IL20RB: variants seen among roughly 807,000 people sequenced by gnomAD.
IL20RB encodes interleukin 20 receptor subunit beta.
In IL20RB, 21 loss-of-function variants were observed where a neutral mutation model predicts 33.3. The observed-to-expected ratio is 0.63, with a 90% CI of 0.45 to 0.91. IL20RB has a LOEUF of 0.91. IL20RB is among the 40% of genes least tolerant of loss of function. The probability of loss-of-function intolerance (pLI) is 0.00; values close to 1 mark genes in which losing one functional copy is unlikely to be tolerated. For missense variants in IL20RB, 345 were observed against 384.8 expected, an observed-to-expected ratio of 0.90 and a Z score of 0.86; for synonymous variants, 147 against 146.8, an observed-to-expected ratio of 1.00 and a Z score of -0.01.
chr3:136,987,821 G>A lies in IL20RB; in HGVS notation c.407-1620G>A, dbSNP rs1034803662. Among the ~76,000 whole-genome samples, 8 of 152,196 alleles carry A rather than the reference G, an allele frequency of 5.3e-5. No individual in the cohort carries two copies. The East Asian group carries it at 7.7e-4, about 15-fold the overall frequency. ...AGGACCCAGTACACCCTCCGCAGCC[G>A]CTGGCCCGGGTGCTAAGCCCCTCAT... On this transcript the variant is annotated intron_variant, in intron 3 of 6. Coordinates refer to ENST00000329582, the MANE Select transcript of IL20RB (RefSeq NM_144717.4).
chr3:137,000,828 A>T (rs746991126), intron 6 of IL20RB, among the ~76,000 whole-genome samples: 26 of 152,180 alleles, frequency 1.7e-4, no homozygotes, highest in Non-Finnish European at 3.8e-4. Context: ...TCTGCTGCCC[A>T]TGCTTACTCT....
chr3:136,982,727 T>C (rs1385971331), intron 3 of IL20RB, among the ~76,000 whole-genome samples: 2 of 152,156 alleles, frequency 1.3e-5, no homozygotes, highest in Non-Finnish European at 2.9e-5. Context: ...ATTAACTGCA[T>C]ATTTACTGCC....
chr3:136,990,628 T>A (rs946609536), intron 4 of IL20RB, among the ~76,000 whole-genome samples: 2 of 152,232 alleles, frequency 1.3e-5, no homozygotes, highest in African/African-American at 4.8e-5. Context: ...TTGGTCTTGC[T>A]CGTCTTATCA....
At position 136,995,565 on chromosome 3, in the gene IL20RB, G is replaced by A. The variant is rs1021053490; in HGVS notation, c.825+9G>A. 2.5e-6 allele frequency: 4 copies of A among 1,614,074 alleles called. No homozygotes were observed. The Admixed American group carries it at 5.0e-5, about 20-fold the overall frequency. On this transcript the variant is annotated intron_variant, in intron 6 of 6. Transcript: ENST00000329582. ...TCCTCCCAGACACCTTGGTAATAGA[G>A]TAGTTCTTTATTCCTTTCAGTATAA...
intron 1 of IL20RB, among the ~76,000 whole-genome samples, chr3:136,973,348 G>C (rs536179563): frequency 2.6e-4 from 40 of 151,600 alleles, no homozygotes; most frequent in African/African-American, 9.5e-4. Context: ...AAAATTATCC[G>C]GGCATGGTGG....
intron 6 of IL20RB, among the ~76,000 whole-genome samples, chr3:136,997,932 G>C (rs1049910501): frequency 6.6e-6 from 1 of 151,572 alleles, no homozygotes; most frequent in South Asian, 2.1e-4. Context: ...CCCCACACCC[G>C]GCTAATTTTT....
At chr3:136,980,934 C>T (rs1327036795) in intron 2 of IL20RB, among the ~76,000 whole-genome samples, 2 of 152,166 alleles carry the variant, frequency 1.3e-5, no homozygotes, top group Non-Finnish European at 2.9e-5. Context: ...CCTCACTTTT[C>T]CTGACTATAA....
chr3:137,003,624 G>A lies in IL20RB; in HGVS notation c.826-6489G>A, dbSNP rs1042458114. ...GTTTTGCACATCGATTTTGTATCCT[G>A]AGGCTTTGCTGAAGTTGCTTATAAG... On this transcript the variant is annotated intron_variant, in intron 6 of 6. Transcript: ENST00000329582. Among the ~76,000 whole-genome samples, 9 of 152,296 alleles carry A rather than the reference G, an allele frequency of 5.9e-5. No homozygotes were observed. In the East Asian group the frequency reaches 1.7e-3, roughly 29 times the overall value.
At chr3:136,974,628 C>T (rs772386352) in intron 1 of IL20RB, among the ~76,000 whole-genome samples, 6 of 152,132 alleles carry the variant, frequency 3.9e-5, no homozygotes, top group Admixed American at 6.5e-5. Context: ...TCTCTCTGGA[C>T]ATCATGAGCC....
At chr3:136,999,071 A>C (rs929810380) in intron 6 of IL20RB, among the ~76,000 whole-genome samples, 5 of 152,064 alleles carry the variant, frequency 3.3e-5, no homozygotes, top group African/African-American at 4.8e-5. Context: ...TTTAAGCTAC[A>C]ATTTGGAAAA....
At chr3:136,985,753 G>A (rs1336765838) in intron 3 of IL20RB, among the ~76,000 whole-genome samples, 1 of 152,146 alleles carries the variant, frequency 6.6e-6, no homozygotes, top group Non-Finnish European at 1.5e-5. Flanking sequence ...TCCCCAGAGA[G>A]TCTGGTTTAA....
intron 6 of IL20RB, among the ~76,000 whole-genome samples, chr3:136,999,404 T>G (rs1011440036): frequency 6.6e-6 from 1 of 152,124 alleles, no homozygotes; most frequent in Non-Finnish European, 1.5e-5. Flanking sequence ...CCACAGCTAA[T>G]TATTTTATTT....
At chr3:136,962,062 G>C (rs762022002) in intron 1 of IL20RB, among the ~76,000 whole-genome samples, 3 of 152,104 alleles carry the variant, frequency 2.0e-5, no homozygotes, top group Admixed American at 1.3e-4. Flanking sequence ...TAAATAAATG[G>C]TGGAGAAGGA....
chr3:136,995,644 T>C, intron 6 of IL20RB, 88 bp downstream of exon 6: 2 of 1,298,176 alleles, frequency 1.5e-6, no homozygotes, highest in Admixed American at 1.8e-5. Flanking sequence ...TGTTTCCATG[T>C]TTCTATCATG....
intron 6 of IL20RB, among the ~76,000 whole-genome samples, chr3:137,000,221 T>C (rs1942214308): frequency 6.6e-6 from 1 of 152,250 alleles, no homozygotes; most frequent in Admixed American, 6.5e-5. Flanking sequence ...AGGCAGTTGA[T>C]ATCTATTAGA....
At chr3:136,978,279 C>T (rs1941678412) in intron 1 of IL20RB, among the ~76,000 whole-genome samples, 1 of 151,646 alleles carries the variant, frequency 6.6e-6, no homozygotes, top group African/African-American at 2.4e-5. Context: ...AAGTCTCCTG[C>T]CTCAGCCTCC....
intron 1 of IL20RB, among the ~76,000 whole-genome samples, chr3:136,975,432 G>A (rs540310871): frequency 2.6e-5 from 4 of 152,106 alleles, no homozygotes; most frequent in East Asian, 3.9e-4. Flanking sequence ...TCTGCCTTCC[G>A]GGTTCAAGCA....
Position 136,958,130 on chromosome 3 carries a change from T to C in IL20RB, c.17T>C (p.Met6Thr). The change falls in exon 1 of 7, where the codon ATG (methionine) becomes ACG (threonine). Residue 6 changes from methionine (M) to threonine (T), a missense_variant. Transcript: ENST00000329582. ...GTCTACCAAATGCAGACTTTCACAA[T>C]GGTTCTAGAAGAAATCTGGACAAGT... MQTFT[M>T]VLEEIWTSLF... 1.2e-6 allele frequency: 2 copies of C among 1,607,758 alleles called. No homozygotes were observed. The highest frequency in any genetic ancestry group is 1.7e-6 in the Non-Finnish European group (2 of 1,174,432).
At chr3:137,007,151 C>T (rs1419149079) in intron 6 of IL20RB, among the ~76,000 whole-genome samples, 1 of 152,148 alleles carries the variant, frequency 6.6e-6, no homozygotes, top group Non-Finnish European at 1.5e-5. Context: ...CTGATCTTTC[C>T]TCTGGAAGCT....
Sources: gnomAD v4.1 joint callset for allele counts (sites outside exome capture counted in the v4.1 genomes callset) on GRCh38, gnomAD v4.1.1 for gene constraint, MANE v1.5 for transcripts, NCBI Gene and HGNC (gene_info 2026-07-23, HGNC 2026-07-21) for gene names.